SLC2A5: variants seen among roughly 807,000 people sequenced by gnomAD.
SLC2A5 encodes solute carrier family 2, facilitated glucose transporter member 5.
In SLC2A5, 56 loss-of-function variants were observed where a neutral mutation model predicts 50.3. The ratio of observed to expected loss-of-function variants is 1.11; its 90% CI spans 0.90 to 1.39. SLC2A5 has a LOEUF of 1.39. Ranked by LOEUF, SLC2A5 falls within the 40% of genes most tolerant of loss-of-function variation. The pLI is 0.00. For missense variants in SLC2A5, 566 were observed against 650.1 expected (o/e 0.87, Z 1.41); for synonymous variants, 269 against 281.9 (o/e 0.95, Z 0.46).
intron 3 of SLC2A5, among the ~76,000 whole-genome samples, chr1:9,050,731 A>C (rs904079142): frequency 6.6e-6 from 1 of 152,186 alleles, no homozygotes; most frequent in Non-Finnish European, 1.5e-5. Context: ...AATGAAAGAC[A>C]GAAGGTTAGA....
At chr1:9,054,213 C>G (rs140851857) in intron 3 of SLC2A5, among the ~76,000 whole-genome samples, 2,035 of 152,174 alleles carry the variant, frequency 0.013, 31 homozygotes, top group South Asian at 0.065. Flanking sequence ...GAACTGATGA[C>G]AAAGACATGA....
At chr1:9,062,104 C>T (rs990507710) in intron 1 of SLC2A5, among the ~76,000 whole-genome samples, 3 of 152,212 alleles carry the variant, frequency 2.0e-5, no homozygotes, top group Non-Finnish European at 2.9e-5. Context: ...CTAACCCTGC[C>T]GGTCCAGCCA....
At chr1:9,044,624 G>A (rs545742194) in intron 4 of SLC2A5, among the ~76,000 whole-genome samples, 9 of 152,052 alleles carry the variant, frequency 5.9e-5, no homozygotes, top group South Asian at 2.1e-4. Flanking sequence ...GCACGATCTC[G>A]GCTCACTGCA....
chr1:9,087,886 C>T (rs1285205007), intron 1 of SLC2A5, among the ~76,000 whole-genome samples: 1 of 152,090 alleles, frequency 6.6e-6, no homozygotes, highest in Non-Finnish European at 1.5e-5. Context: ...GTCCAGGAGG[C>T]CCTTTGCCAA....
chr1:9,071,017 G>C (rs1274569942), upstream of SLC2A5, among the ~76,000 whole-genome samples: 1 of 152,150 alleles, frequency 6.6e-6, no homozygotes, highest in African/African-American at 2.4e-5. Flanking sequence ...TCTAGAAAAA[G>C]TTTCCAAAGA....
intron 1 of SLC2A5, among the ~76,000 whole-genome samples, chr1:9,061,605 C>A (rs370882397): frequency 3.0e-4 from 43 of 142,956 alleles, no homozygotes; most frequent in South Asian, 4.5e-4. Context: ...GACCCTGTCT[C>A]AAAAAAAAAA....
chr1:9,087,418 A>T (rs2124488512), intron 1 of SLC2A5, among the ~76,000 whole-genome samples: 1 of 151,982 alleles, frequency 6.6e-6, no homozygotes, highest in South Asian at 2.1e-4. Flanking sequence ...GTTAGCCAGG[A>T]TGGTCTCAAT....
In SLC2A5 at chr1:9,084,940, G is replaced by A. The variant is rs41280750; in HGVS notation, c.-59+74C>T. On this transcript the variant is annotated intron_variant, in intron 2 of 5. Coordinates refer to the SLC2A5 transcript ENST00000464985. ...TTAAGTTCGAGAAGCTCTGCTCTAGGCTTTTCCTGAATGTGGCGCATCAGT... is the reference window on the plus strand; with the variant it reads ...TTAAGTTCGAGAAGCTCTGCTCTAGACTTTTCCTGAATGTGGCGCATCAGT... 7.7e-3 allele frequency: 1,180 copies of A among 152,410 alleles called. 5 individuals carry two copies. Among genetic ancestry groups the A allele is most frequent in the Non-Finnish European group, 0.011 (762 of 68,084 alleles). The allele number at this position is 152,410 out of a possible 1,614,324, so 9.4% of individuals were successfully genotyped here. A position where few individuals can be genotyped will look rare whatever the true frequency, so the allele number is the denominator to read the frequency against.
intron 1 of SLC2A5, among the ~76,000 whole-genome samples, chr1:9,058,983 C>T (rs1352837549): frequency 2.6e-5 from 4 of 152,020 alleles, no homozygotes; most frequent in Non-Finnish European, 5.9e-5. Flanking sequence ...TGAGGACAAT[C>T]ACACTCCCTA....
intron 1 of SLC2A5, among the ~76,000 whole-genome samples, chr1:9,062,105 G>A (rs916307675): frequency 1.3e-5 from 2 of 152,004 alleles, no homozygotes; most frequent in East Asian, 1.9e-4. Flanking sequence ...TAACCCTGCC[G>A]GTCCAGCCAA....
chr1:9,074,581 G>A (rs1642260078), upstream of SLC2A5, among the ~76,000 whole-genome samples: 1 of 152,146 alleles, frequency 6.6e-6, no homozygotes, highest in Non-Finnish European at 1.5e-5. Context: ...AGGAACATAA[G>A]GAAAGACAGC....
chr1:9,069,671 T>A, upstream of SLC2A5: 1 of 917,016 alleles, frequency 1.1e-6, no homozygotes, highest in Non-Finnish European at 1.7e-6. Flanking sequence ...TATAGCCAGA[T>A]TAAGTCAGAA....
At chr1:9,056,604 C>T (rs531032766) in intron 3 of SLC2A5, among the ~76,000 whole-genome samples, 10 of 152,160 alleles carry the variant, frequency 6.6e-5, no homozygotes, top group South Asian at 2.1e-4. Flanking sequence ...CATCCCTAGA[C>T]GGGTTGGACA....
Position 9,037,357 on chromosome 1 carries a change from T to C in SLC2A5, c.*229A>G, listed in dbSNP as rs1055776136. 9 of 518,084 alleles carry C rather than the reference T, an allele frequency of 1.7e-5. No homozygotes were observed. The highest frequency in any genetic ancestry group is 1.5e-4 in the South Asian group (7 of 45,942). 32.1% of individuals were successfully genotyped at this position (518,084 alleles called of 1,614,324 possible). On this transcript the variant is annotated 3_prime_UTR_variant, in exon 12 of 12. Transcript: ENST00000377424. The stretch of plus-strand genomic sequence containing the variant: ...GCAAAGTGGAGGACCAGCTGTTTAA[T>C]TGACTCGGGTCTGGTGACAGGCCAA...
At chr1:9,087,208 C>CTTT (rs35852748) in intron 1 of SLC2A5, among the ~76,000 whole-genome samples, 31 of 142,452 alleles carry the variant, frequency 2.2e-4, no homozygotes, top group East Asian at 1.3e-3. Context: ...TTACTTCTTT[C>CTTT]TTTTTTTTTT....
At chr1:9,081,848 G>C (rs917928868) in intron 2 of SLC2A5, among the ~76,000 whole-genome samples, 2 of 152,128 alleles carry the variant, frequency 1.3e-5, no homozygotes, top group African/African-American at 4.8e-5. Context: ...TTGGGGAGCT[G>C]AGGTGGGTGG....
chr1:9,037,855 A>G (rs1197964879), intron 11 of SLC2A5, 42 bp downstream of exon 11: 2 of 1,613,824 alleles, frequency 1.2e-6, no homozygotes, highest in East Asian at 4.5e-5. Flanking sequence ...ACTGTACTGC[A>G]TGGGGATCTG....
chr1:9,088,985 A>G (rs1642434894), upstream of SLC2A5, among the ~76,000 whole-genome samples: 2 of 152,250 alleles, frequency 1.3e-5, no homozygotes, highest in South Asian at 4.1e-4. Context: ...ATTCCTGCAC[A>G]TAATTCAATC....
chr1:9,055,784 C>A (rs966261770), intron 3 of SLC2A5, among the ~76,000 whole-genome samples: 1 of 151,836 alleles, frequency 6.6e-6, no homozygotes, highest in African/African-American at 2.4e-5. Flanking sequence ...CGCGTGGTGG[C>A]AGACACCTGT....
Sources: gnomAD v4.1 joint callset for allele counts (sites outside exome capture counted in the v4.1 genomes callset) on GRCh38, gnomAD v4.1.1 for gene constraint, MANE v1.5 for transcripts, NCBI Gene and HGNC (gene_info 2026-07-23, HGNC 2026-07-21) for gene names.